TTC28: variants seen among roughly 807,000 people sequenced by gnomAD.
TTC28 encodes tetratricopeptide repeat domain 28.
TTC28 carries 61 observed loss-of-function variants against 198.0 expected under a neutral mutation model. The ratio of observed to expected loss-of-function variants is 0.31; its 90% CI spans 0.25 to 0.38. The LOEUF (loss-of-function observed/expected upper bound fraction) is 0.38, where lower values mean the gene tolerates loss of function less well. TTC28 is among the 10% of genes least tolerant of loss of function. TTC28 has a pLI of 1.00. For synonymous variants in TTC28, 1,171 were observed against 1,297.8 expected (o/e 0.90, Z 2.10); for missense variants, 2,678 against 3,164.0 (o/e 0.85, Z 3.69).
intron 2 of TTC28, among the ~76,000 whole-genome samples, chr22:28,535,017 C>G (rs1030691316): frequency 6.6e-6 from 1 of 151,814 alleles, no homozygotes; most frequent in Non-Finnish European, 1.5e-5. Flanking sequence ...ATGTAACAAA[C>G]CTGCACATTG....
intron 2 of TTC28, among the ~76,000 whole-genome samples, chr22:28,392,070 C>G (rs1177813148): frequency 6.6e-6 from 1 of 152,184 alleles, no homozygotes; most frequent in Non-Finnish European, 1.5e-5. Context: ...AGACAGGACC[C>G]TCAGCTGCAG....
At chr22:28,344,540 T>C (rs1015360369) in intron 2 of TTC28, among the ~76,000 whole-genome samples, 2 of 152,188 alleles carry the variant, frequency 1.3e-5, no homozygotes, top group South Asian at 2.1e-4. Context: ...AGAAATATAA[T>C]TGAAAATACA....
intron 2 of TTC28, among the ~76,000 whole-genome samples, chr22:28,362,742 T>C (rs1264964900): frequency 6.6e-6 from 1 of 152,142 alleles, no homozygotes; most frequent in Non-Finnish European, 1.5e-5. Context: ...AAAATGACTG[T>C]TGTTATGTTT....
At chr22:28,234,955 A>G (rs1929119627) in intron 5 of TTC28, among the ~76,000 whole-genome samples, 1 of 152,216 alleles carries the variant, frequency 6.6e-6, no homozygotes, top group African/African-American at 2.4e-5. Flanking sequence ...TTGAGTTGTG[A>G]TCTTTTATGT....
intron 1 of TTC28, among the ~76,000 whole-genome samples, chr22:28,661,433 T>A (rs2051745639): frequency 6.6e-6 from 1 of 152,148 alleles, no homozygotes; most frequent in African/African-American, 2.4e-5. Flanking sequence ...ATTCATTTAT[T>A]TTTAGAGACT....
chr22:28,029,774 C>T (rs1938997763), intron 13 of TTC28, among the ~76,000 whole-genome samples: 1 of 152,196 alleles, frequency 6.6e-6, no homozygotes, highest in African/African-American at 2.4e-5. Context: ...TTCCTAGGCC[C>T]AGTTTCTCCC....
At chr22:28,152,071 CTG>C (rs915714234) in intron 6 of TTC28, among the ~76,000 whole-genome samples, 8 of 152,192 alleles carry the variant, frequency 5.3e-5, no homozygotes, top group Admixed American at 1.3e-4. Context: ...TGCTTATAAA[CTG>C]TATGAATTTG....
chr22:28,398,819 A>T (rs1357005888), intron 2 of TTC28, among the ~76,000 whole-genome samples: 1 of 152,206 alleles, frequency 6.6e-6, no homozygotes, highest in Non-Finnish European at 1.5e-5. Context: ...TCTCAAGGTA[A>T]ACATGACCTA....
intron 13 of TTC28, among the ~76,000 whole-genome samples, chr22:28,018,853 T>TCC (rs768966968): frequency 1.6e-4 from 24 of 152,266 alleles, no homozygotes; most frequent in Non-Finnish European, 2.9e-4. Flanking sequence ...ATACAGCCCC[T>TCC]CCCTGGTTGT....
intron 2 of TTC28, among the ~76,000 whole-genome samples, chr22:28,447,088 T>G (rs1450137169): frequency 2.6e-5 from 4 of 152,172 alleles, no homozygotes; most frequent in Non-Finnish European, 5.9e-5. Context: ...CAGGGTTCTT[T>G]CTTATAAACC....
chr22:28,183,144 G>A (rs1395409382), intron 5 of TTC28, among the ~76,000 whole-genome samples: 4 of 151,166 alleles, frequency 2.6e-5, no homozygotes, highest in Admixed American at 6.6e-5. Context: ...CTGCAGCCTC[G>A]AACTCTTGGG....
chr22:28,310,419 T>TA (rs1478553818), intron 2 of TTC28, among the ~76,000 whole-genome samples: 1 of 152,138 alleles, frequency 6.6e-6, no homozygotes, highest in African/African-American at 2.4e-5. Context: ...AGGGTTGAAA[T>TA]AAAAACACTG....
chr22:28,163,038 C>T, intron 6 of TTC28, 54 bp downstream of exon 6: 2 of 1,480,476 alleles, frequency 1.4e-6, no homozygotes, highest in Non-Finnish European at 1.8e-6. Context: ...TCTACTCCAG[C>T]TATTTCCAGC....
At chr22:28,299,253 A>T (rs528562034) in intron 3 of TTC28, among the ~76,000 whole-genome samples, 1 of 152,194 alleles carries the variant, frequency 6.6e-6, no homozygotes, top group Admixed American at 6.5e-5. Flanking sequence ...AAAAAAAAAA[A>T]ACTATAAAAG....
intron 2 of TTC28, among the ~76,000 whole-genome samples, chr22:28,537,299 A>ATAAATTAAATT (rs1491268139): frequency 9.6e-5 from 10 of 103,734 alleles, no homozygotes; most frequent in Non-Finnish European, 2.2e-4. Context: ...TCTCAAAAAT[A>ATAAATTAAATT]AAATAAAATA....
At chr22:28,636,127 A>ATTTTT (rs71316851) in intron 1 of TTC28, among the ~76,000 whole-genome samples, 2,172 of 65,714 alleles carry the variant, frequency 0.033, 685 homozygotes, top group Middle Eastern at 0.058. Flanking sequence ...AAATGTCAGG[A>ATTTTT]TTTTTTTTTT....
chr22:28,579,630 G>A (rs556761365), intron 2 of TTC28, among the ~76,000 whole-genome samples: 3 of 150,642 alleles, frequency 2.0e-5, no homozygotes, highest in African/African-American at 7.3e-5. Context: ...ATACAAATGT[G>A]TGTGTGTGTG....
At chr22:28,548,809 T>A (rs1045215383) in intron 2 of TTC28, among the ~76,000 whole-genome samples, 1 of 152,160 alleles carries the variant, frequency 6.6e-6, no homozygotes, top group African/African-American at 2.4e-5. Context: ...CTTACCCCCA[T>A]GACAGTCATG....
intron 2 of TTC28, among the ~76,000 whole-genome samples, chr22:28,317,858 A>C (rs1269058303): frequency 6.6e-6 from 1 of 152,136 alleles, no homozygotes; most frequent in African/African-American, 2.4e-5. Flanking sequence ...TCCTATAGTC[A>C]CAGAGAAGGG....
Sources: allele counts gnomAD v4.1 joint callset (sites outside exome capture counted in the v4.1 genomes callset), GRCh38; gene constraint gnomAD v4.1.1; transcripts MANE v1.5; gene names NCBI Gene and HGNC (gene_info 2026-07-23, HGNC 2026-07-21).